Variants in ATP8B4 observed in about 807,000 individuals in gnomAD.
ATP8B4 encodes ATPase phospholipid transporting 8B4 (putative).
A neutral mutation model predicts 145.6 loss-of-function variants in ATP8B4; 133 were observed. The observed-to-expected ratio is 0.91, with a 90% CI of 0.79 to 1.05. The LOEUF is 1.05. Ranked by LOEUF, ATP8B4 falls within the 50% of genes least tolerant of loss-of-function variation. The probability of loss-of-function intolerance (pLI) is 0.00; values close to 1 mark genes in which losing one functional copy is unlikely to be tolerated. For missense variants in ATP8B4, 1,458 were observed against 1,425.2 expected, an observed-to-expected ratio of 1.02 and a Z score of -0.37; for synonymous variants, 507 against 492.9, an observed-to-expected ratio of 1.03 and a Z score of -0.38.
intron 23 of ATP8B4, among the ~76,000 whole-genome samples, chr15:49,890,235 A>G (rs2036640915): frequency 6.6e-6 from 1 of 152,162 alleles, no homozygotes; most frequent in African/African-American, 2.4e-5. Context: ...TCTGCATTGG[A>G]CAATATGTGT....
intron 6 of ATP8B4, among the ~76,000 whole-genome samples, chr15:50,038,386 G>A (rs1355776632): frequency 1.3e-5 from 2 of 152,172 alleles, no homozygotes; most frequent in South Asian, 2.1e-4. Flanking sequence ...ACAGTAATGT[G>A]TGAGAAGTCT....
At chr15:50,152,643 A>G (rs1224149689) in intron 1 of ATP8B4, among the ~76,000 whole-genome samples, 2 of 152,252 alleles carry the variant, frequency 1.3e-5, no homozygotes, top group African/African-American at 4.8e-5. Context: ...TCTGTCAAAG[A>G]CATCAAAAAG....
At chr15:50,103,574 A>C (rs747451530) in intron 2 of ATP8B4, among the ~76,000 whole-genome samples, 12 of 152,198 alleles carry the variant, frequency 7.9e-5, no homozygotes, top group Admixed American at 6.5e-5. Flanking sequence ...AACACTGCTG[A>C]AAGAAATCAT....
chr15:50,088,158 C>A (rs144741121), intron 2 of ATP8B4, among the ~76,000 whole-genome samples: 5 of 152,034 alleles, frequency 3.3e-5, no homozygotes, highest in Non-Finnish European at 7.4e-5. Context: ...GAGGCCAAGG[C>A]GGGTGGATCA....
At chr15:49,987,764 T>C (rs577416581) in intron 9 of ATP8B4, among the ~76,000 whole-genome samples, 18 of 151,600 alleles carry the variant, frequency 1.2e-4, no homozygotes, top group African/African-American at 4.3e-4. Context: ...CAAATAAAAA[T>C]AGAAAAAACA....
intron 6 of ATP8B4, among the ~76,000 whole-genome samples, chr15:50,038,552 C>A (rs2051016018): frequency 6.6e-6 from 1 of 151,914 alleles, no homozygotes; most frequent in Non-Finnish European, 1.5e-5. Flanking sequence ...AAAAGGTACA[C>A]CAAAGGAATC....
intron 14 of ATP8B4, among the ~76,000 whole-genome samples, chr15:49,940,965 G>A (rs1413124350): frequency 2.0e-5 from 3 of 152,158 alleles, no homozygotes; most frequent in Non-Finnish European, 4.4e-5. Context: ...GAGCAAGACA[G>A]AGAATGAGAA....
intron 14 of ATP8B4, among the ~76,000 whole-genome samples, chr15:49,944,089 A>G (rs1464579091): frequency 6.6e-6 from 1 of 151,260 alleles, no homozygotes; most frequent in East Asian, 1.9e-4. Context: ...AAAAACAGAA[A>G]GGAATCAAAG....
intron 6 of ATP8B4, among the ~76,000 whole-genome samples, chr15:50,031,328 G>T (rs1013087458): frequency 7.2e-5 from 11 of 152,008 alleles, no homozygotes; most frequent in African/African-American, 2.4e-4. Context: ...AGCCCCAGTG[G>T]TACCATCATA....
chr15:50,001,483 G>A (rs1374814817), intron 8 of ATP8B4, among the ~76,000 whole-genome samples: 2 of 152,138 alleles, frequency 1.3e-5, no homozygotes, highest in African/African-American at 4.8e-5. Flanking sequence ...AGATGCTTTG[G>A]ACAAATTACC....
chr15:50,066,182 T>C (rs1364305548), intron 3 of ATP8B4, among the ~76,000 whole-genome samples: 1 of 152,048 alleles, frequency 6.6e-6, no homozygotes, highest in Non-Finnish European at 1.5e-5. Context: ...ATCCAAAAAA[T>C]ATATTTTCTC....
intron 12 of ATP8B4, among the ~76,000 whole-genome samples, chr15:49,973,865 G>C (rs1300055535): frequency 6.6e-6 from 1 of 152,068 alleles, no homozygotes. Flanking sequence ...TGTCACCACT[G>C]TTCACTGCAT....
At chr15:50,085,963 TTATA>T (rs1214240358) in intron 2 of ATP8B4, among the ~76,000 whole-genome samples, 2 of 53,800 alleles carry the variant, frequency 3.7e-5, no homozygotes, top group African/African-American at 2.2e-4. Context: ...TCATATATAT[TTATA>T]TATGATATAT....
chr15:50,071,462 C>T (rs983199858), intron 3 of ATP8B4, among the ~76,000 whole-genome samples: 6 of 152,194 alleles, frequency 3.9e-5, no homozygotes, highest in African/African-American at 1.4e-4. Context: ...ATACTTGTTG[C>T]ATATTGGAAA....
At chr15:49,974,832 T>C (rs2045529523) in intron 12 of ATP8B4, among the ~76,000 whole-genome samples, 1 of 152,216 alleles carries the variant, frequency 6.6e-6, no homozygotes, top group Non-Finnish European at 1.5e-5. Flanking sequence ...CAATCCTTTC[T>C]CCATTAAGCT....
Position 50,119,148 on chromosome 15 carries a change from C to A in ATP8B4, c.-68G>T, listed in dbSNP as rs1229518619. On this transcript the variant is annotated 5_prime_UTR_variant, in exon 1 of 28. Transcript: ENST00000284509. ...CTCAACCCAGACTTAATCCTCTCCC[C>A]CAAAAGGAAGATTTCTCAGCAGTGC... 1.3e-5 allele frequency: 2 copies of A among 152,202 alleles called. No homozygotes were observed. The highest frequency in any genetic ancestry group is 6.5e-5 in the Admixed American group (1 of 15,274). 9.4% of individuals were successfully genotyped at this position (152,202 alleles called of 1,614,324 possible). A position where few individuals can be genotyped will look rare whatever the true frequency, so the allele number is the denominator to read the frequency against.
intron 1 of ATP8B4, among the ~76,000 whole-genome samples, chr15:50,149,755 T>C (rs1173865125): frequency 1.3e-5 from 2 of 152,146 alleles, no homozygotes; most frequent in Admixed American, 6.6e-5. Flanking sequence ...AAACTATGTG[T>C]GTATTCAGGG....
At chr15:50,061,983 T>C (rs1454029179) in intron 3 of ATP8B4, among the ~76,000 whole-genome samples, 3 of 152,246 alleles carry the variant, frequency 2.0e-5, no homozygotes, top group Non-Finnish European at 4.4e-5. Context: ...TTGTAATGTC[T>C]AATACTGTTA....
chr15:50,071,602 C>T (rs1470782555), intron 3 of ATP8B4, among the ~76,000 whole-genome samples: 1 of 152,170 alleles, frequency 6.6e-6, no homozygotes, highest in Non-Finnish European at 1.5e-5. Context: ...ATGGTCAAGC[C>T]TTTCAGAGGT....
Sources: allele counts gnomAD v4.1 joint callset (sites outside exome capture counted in the v4.1 genomes callset), GRCh38; gene constraint gnomAD v4.1.1; transcripts MANE v1.5; gene names NCBI Gene and HGNC (gene_info 2026-07-23, HGNC 2026-07-21).